The following TBC1D32 variants were observed in gnomAD, a reference collection of about 807,000 sequenced individuals.
The protein encoded by TBC1D32 is protein broad-minded.
Under a neutral mutation model 170.3 loss-of-function variants are expected in TBC1D32, and 151 were observed. That is an observed-to-expected ratio of 0.89 (90% CI 0.78 to 1.01). The LOEUF (loss-of-function observed/expected upper bound fraction) is 1.01. Ranked by LOEUF, TBC1D32 falls within the 50% of genes least tolerant of loss-of-function variation. The probability of loss-of-function intolerance (pLI) is 0.00; values close to 1 mark genes in which losing one functional copy is unlikely to be tolerated. For missense variants in TBC1D32, 1,464 were observed against 1,457.1 expected, an observed-to-expected ratio of 1.00 and a Z score of -0.08; for synonymous variants, 498 against 488.0, an observed-to-expected ratio of 1.02 and a Z score of -0.27.
At chr6:121,133,474 C>T (rs1189897041) in intron 24 of TBC1D32, among the ~76,000 whole-genome samples, 2 of 151,860 alleles carry the variant, frequency 1.3e-5, no homozygotes, top group African/African-American at 4.8e-5. Context: ...TACATGTAAA[C>T]AAACAGAAAA....
chr6:121,253,905 G>C (rs1583414124), intron 17 of TBC1D32, among the ~76,000 whole-genome samples: 1 of 151,996 alleles, frequency 6.6e-6, no homozygotes, highest in African/African-American at 2.4e-5. Flanking sequence ...CAAAGGAAAA[G>C]AAGACATTAT....
intron 3 of TBC1D32, among the ~76,000 whole-genome samples, chr6:121,316,822 T>TTAG (rs200246681): frequency 0.019 from 2,870 of 152,236 alleles, 101 homozygotes; most frequent in African/African-American, 0.066. Flanking sequence ...AGGTGAAAAA[T>TTAG]GTTTGACTAA....
intron 22 of TBC1D32, among the ~76,000 whole-genome samples, chr6:121,180,078 A>C (rs1274389461): frequency 2.0e-5 from 3 of 152,154 alleles, no homozygotes; most frequent in Non-Finnish European, 4.4e-5. Flanking sequence ...AATTTTAATG[A>C]GGGTAATTAA....
chr6:121,085,247 G>GTA (rs1162745710), intron 31 of TBC1D32, among the ~76,000 whole-genome samples: 2 of 107,516 alleles, frequency 1.9e-5, no homozygotes, highest in East Asian at 2.3e-4. Context: ...ATATACATAC[G>GTA]TATATATATA....
intron 3 of TBC1D32, among the ~76,000 whole-genome samples, chr6:121,312,163 G>C (rs895655202): frequency 6.6e-6 from 1 of 152,124 alleles, no homozygotes; most frequent in African/African-American, 2.4e-5. Context: ...TGGACACAGA[G>C]AGGGGAACAT....
At chr6:121,126,331 A>T in intron 26 of TBC1D32, 47 bp downstream of exon 26, 1 of 1,353,628 alleles carries the variant, frequency 7.4e-7, no homozygotes, top group Non-Finnish European at 1.0e-6. Context: ...TTAATTATCT[A>T]GTTACATACT....
intron 13 of TBC1D32, among the ~76,000 whole-genome samples, chr6:121,283,412 T>C (rs1297200779): frequency 5.3e-5 from 8 of 151,756 alleles, no homozygotes; most frequent in East Asian, 3.9e-4. Context: ...CCTGAAAAGA[T>C]TGGAGTTTTG....
At chr6:121,300,795 C>T (rs1806349601) in intron 9 of TBC1D32, among the ~76,000 whole-genome samples, 1 of 152,094 alleles carries the variant, frequency 6.6e-6, no homozygotes, top group Non-Finnish European at 1.5e-5. Context: ...ATCCATCTGA[C>T]AAAGGGCTAA....
In TBC1D32 at chr6:121,308,686, C is replaced by CTTT. The variant is rs67847088; in HGVS notation, c.565-588_565-586dup. ...CTGTATTTTCACAGAAAGCTTACTT[C>CTTT]TTTTTTTTTTTTTTTTTTTTGAGAC... On this transcript the variant is annotated intron_variant, in intron 4 of 31. Coordinates refer to ENST00000398212, the MANE Select transcript of TBC1D32 (RefSeq NM_152730.6). Among the ~76,000 whole-genome samples the CTTT allele has an allele frequency of 2.9e-3, 324 of 112,516 alleles. 16 individuals are homozygous for CTTT. The highest frequency in any genetic ancestry group is 0.012 in the African/African-American group (302 of 25,810). 73.8% of individuals were successfully genotyped at this position (112,516 alleles called of 152,430 possible). A position where few individuals can be genotyped will look rare whatever the true frequency, so the allele number is the denominator to read the frequency against.
intron 24 of TBC1D32, among the ~76,000 whole-genome samples, chr6:121,140,586 G>C (rs1468080318): frequency 6.6e-6 from 1 of 152,004 alleles, no homozygotes; most frequent in Non-Finnish European, 1.5e-5. Flanking sequence ...TTTCCTATCA[G>C]ATAAGCAGAA....
At chr6:121,214,679 TG>T (rs1190125022) in intron 21 of TBC1D32, among the ~76,000 whole-genome samples, 1 of 152,190 alleles carries the variant, frequency 6.6e-6, no homozygotes, top group Non-Finnish European at 1.5e-5. Context: ...CTCCTAGATC[TG>T]GGCTACATGA....
intron 24 of TBC1D32, among the ~76,000 whole-genome samples, chr6:121,132,303 C>T (rs1291960989): frequency 1.3e-5 from 2 of 151,942 alleles, no homozygotes; most frequent in Non-Finnish European, 2.9e-5. Context: ...AGTGCAAGAT[C>T]ACGTTGAGCT....
intron 19 of TBC1D32, among the ~76,000 whole-genome samples, chr6:121,240,792 T>C (rs1439619301): frequency 6.6e-6 from 1 of 150,644 alleles, no homozygotes; most frequent in African/African-American, 2.4e-5. Flanking sequence ...GCAGAATTGC[T>C]TGAACCCAGG....
chr6:121,329,525 A>G (rs2128514401), intron 1 of TBC1D32, among the ~76,000 whole-genome samples: 1 of 152,098 alleles, frequency 6.6e-6, no homozygotes, highest in East Asian at 1.9e-4. Flanking sequence ...GGTGGCAAAC[A>G]CCTGTAATCT....
chr6:121,200,810 A>C (rs547009303), intron 22 of TBC1D32, among the ~76,000 whole-genome samples: 3 of 151,614 alleles, frequency 2.0e-5, no homozygotes. Flanking sequence ...GACAAAAGCA[A>C]AGACAGTAGT....
At chr6:121,142,022 T>C (rs1218479454) in intron 24 of TBC1D32, among the ~76,000 whole-genome samples, 4 of 152,264 alleles carry the variant, frequency 2.6e-5, no homozygotes, top group Non-Finnish European at 5.9e-5. Flanking sequence ...GACTGCTCTC[T>C]ACTCGAGGGG....
intron 30 of TBC1D32, among the ~76,000 whole-genome samples, chr6:121,104,428 G>C (rs1458013833): frequency 5.3e-5 from 8 of 151,562 alleles, no homozygotes; most frequent in Non-Finnish European, 1.2e-4. Context: ...CTCTCTAATA[G>C]ACTCTACTTA....
chr6:121,116,729 G>T (rs1393960367), intron 26 of TBC1D32, among the ~76,000 whole-genome samples: 1 of 152,166 alleles, frequency 6.6e-6, no homozygotes, highest in Admixed American at 6.5e-5. Context: ...AGCAAGGTGA[G>T]AGGAGTTGTC....
At chr6:121,181,363 T>C (rs1387284059) in intron 22 of TBC1D32, among the ~76,000 whole-genome samples, 1 of 152,006 alleles carries the variant, frequency 6.6e-6, no homozygotes, top group East Asian at 1.9e-4. Flanking sequence ...TCATAAGATC[T>C]AGTTGTTTAA....
Sources: allele counts gnomAD v4.1 joint callset (sites outside exome capture counted in the v4.1 genomes callset), GRCh38; gene constraint gnomAD v4.1.1; transcripts MANE v1.5; gene names NCBI Gene and HGNC (gene_info 2026-07-23, HGNC 2026-07-21).